RBFOX3: variants seen among roughly 807,000 people sequenced by gnomAD.
RBFOX3 encodes the protein RNA binding protein fox-1 homolog 3.
RBFOX3 carries 17 observed loss-of-function variants against 48.7 expected under a neutral mutation model. The ratio of observed to expected loss-of-function variants is 0.35; its 90% CI spans 0.24 to 0.52. The LOEUF is 0.52. Among genes scored for constraint, RBFOX3 ranks in the 20% least tolerant of loss-of-function variants. RBFOX3 has a pLI of 0.94. For synonymous variants in RBFOX3, 212 were observed against 209.5 expected, an observed-to-expected ratio of 1.01 and a Z score of -0.10; for missense variants, 382 against 497.5, an observed-to-expected ratio of 0.77 and a Z score of 2.21.
chr17:79,130,081 A>C (rs373425135), intron 4 of RBFOX3, among the ~76,000 whole-genome samples: 3 of 152,144 alleles, frequency 2.0e-5, no homozygotes, highest in African/African-American at 7.2e-5. Context: ...GCAGGAATGC[A>C]CCTGAGTGAC....
rs555538534 is a variant in RBFOX3, at chr17:79,363,980, C to T, written c.-174-56156G>A. ...CACAGCCTGTGCTCCACCACGCCCT[C>T]CTTTTCCACCAGGCTTTATGGGGCT... On this transcript the variant is annotated intron_variant, in intron 2 of 14. Coordinates refer to ENST00000693108, the MANE Select transcript of RBFOX3 (RefSeq NM_001350451.2). This position sits in a 1 kb window ranked among gnomAD's most constrained non-coding sequence, Gnocchi z 4.7. Among the ~76,000 whole-genome samples, 21 of 152,358 alleles carry T rather than the reference C, an allele frequency of 1.4e-4. No homozygotes were observed. Among genetic ancestry groups the T allele is most frequent in the Admixed American group, 1.2e-3 (18 of 15,310 alleles).
intron 9 of RBFOX3, chr17:79,098,044 G>T (rs2075725039): frequency 1.2e-5 from 5 of 412,694 alleles, no homozygotes; most frequent in Admixed American, 3.5e-5. Context: ...GAAGCCTGGG[G>T]TACCCACCTC....
At chr17:79,550,675 G>A (rs1412624480) in intron 1 of RBFOX3, among the ~76,000 whole-genome samples, 5 of 152,080 alleles carry the variant, frequency 3.3e-5, no homozygotes, top group African/African-American at 1.2e-4. Flanking sequence ...AAAGACGGAT[G>A]GATAGGTAGG....
intron 3 of RBFOX3, among the ~76,000 whole-genome samples, chr17:79,259,192 TACTG>T (rs1351578013): frequency 2.0e-5 from 3 of 152,260 alleles, no homozygotes. Flanking sequence ...CTCCCTGAAA[TACTG>T]ACCCAATACG....
rs1236107953 is a variant in RBFOX3 at position 79,129,388 on chromosome 17, TG to T, written c.-33-13641del. ...ACCACCTGCTGCTACCTGACAGGTA[TG>T]GACTGCTTTCCAATCCGGAGTAAGA... is the stretch of plus-strand genomic sequence containing the variant. On this transcript the variant is annotated intron_variant, in intron 4 of 14. Transcript: ENST00000693108. 2.1e-5 allele frequency among the ~76,000 whole-genome samples: 3 copies of T among 145,262 alleles called. 1 individual carries two copies. Among genetic ancestry groups the T allele is most frequent in the African/African-American group, 5.0e-5 (2 of 40,112 alleles).
chr17:79,334,625 ACTGGAGCCCAT>A (rs1351768402), intron 2 of RBFOX3, among the ~76,000 whole-genome samples: 7 of 152,222 alleles, frequency 4.6e-5, no homozygotes, highest in African/African-American at 1.7e-4. Context: ...TCATGGGCCA[ACTGGAGCCCAT>A]CTGTGAGGCC....
the RBFOX3 span, among the ~76,000 whole-genome samples, chr17:79,630,280 G>A: frequency 7.9e-5 from 12 of 152,196 alleles, no homozygotes; most frequent in Non-Finnish European, 1.2e-4. Context: ...AAACACGGTC[G>A]GCCAAGCATG....
At chr17:79,202,192 C>T (rs936283860) in intron 4 of RBFOX3, among the ~76,000 whole-genome samples, 1 of 152,080 alleles carries the variant, frequency 6.6e-6, no homozygotes, top group East Asian at 1.9e-4. Flanking sequence ...GGTGTGATCC[C>T]TGCATCTGAG....
At chr17:79,619,710 T>G in the RBFOX3 span, among the ~76,000 whole-genome samples, 1 of 152,030 alleles carries the variant, frequency 6.6e-6, no homozygotes, top group Non-Finnish European at 1.5e-5. Flanking sequence ...CCGGGGCAGG[T>G]GGACTCCAGC....
At position 79,111,901 on chromosome 17, in the gene RBFOX3, C is replaced by T. The variant is rs750570466; in HGVS notation, c.222+3593G>A. 4.6e-5 allele frequency among the ~76,000 whole-genome samples: 7 copies of T among 152,346 alleles called. No homozygotes were observed. The highest frequency in any genetic ancestry group is 1.3e-4 in the Admixed American group (2 of 15,310). On this transcript the variant is annotated intron_variant, in intron 5 of 14. Transcript: ENST00000693108. The surrounding 1 kb of genome is among the most constrained non-coding windows in gnomAD (Gnocchi z 4.2). ...GTGAGATGGGGTCCCCCGGTCCTTC[C>T]GCAGCCCCTCATCGCACTCTGTACC...
At chr17:79,092,619 T>TA in intron 14 of RBFOX3, 1 of 987,120 alleles carries the variant, frequency 1.0e-6, no homozygotes, top group Non-Finnish European at 1.2e-6. Flanking sequence ...GAAGCGGCTG[T>TA]ACCCTCCTCG....
At chr17:79,250,301 G>A (rs142590765) in intron 3 of RBFOX3, among the ~76,000 whole-genome samples, 3 of 152,278 alleles carry the variant, frequency 2.0e-5, no homozygotes, top group East Asian at 1.9e-4. Flanking sequence ...TGCCTGTATC[G>A]ACAGTTGGGT....
chr17:79,103,345 G>T lies in RBFOX3; in HGVS notation c.415-91C>A. ...GACGAGGAAGAAGAGGAGTGGGAGG[G>T]GGGCAGGGGAGTGGGGAGAGAGAGA... On this transcript the variant is annotated intron_variant, in intron 7 of 14. Transcript: ENST00000693108. The surrounding 1 kb of genome is among the most constrained non-coding windows in gnomAD (Gnocchi z 6.1). 2 of 848,718 alleles carry T rather than the reference G, an allele frequency of 2.4e-6. No homozygotes were observed. The highest frequency in any genetic ancestry group is 3.9e-6 in the Non-Finnish European group (2 of 513,860). The allele number at this position is 848,718 out of a possible 1,614,324, so 52.6% of individuals were successfully genotyped here.
At chr17:79,384,343 G>A (rs74000016) in intron 2 of RBFOX3, among the ~76,000 whole-genome samples, 312 of 152,266 alleles carry the variant, frequency 2.0e-3, no homozygotes, top group African/African-American at 7.3e-3. Context: ...TCCACCCACA[G>A]GACATCTGGC....
At chr17:79,575,610 C>T (rs895153028) in intron 1 of RBFOX3, among the ~76,000 whole-genome samples, 1 of 152,184 alleles carries the variant, frequency 6.6e-6, no homozygotes, top group Non-Finnish European at 1.5e-5. Context: ...GGAAGACAGT[C>T]GTTTAAGTCC....
intron 4 of RBFOX3, among the ~76,000 whole-genome samples, chr17:79,163,140 T>TC (rs890469847): frequency 1.3e-5 from 2 of 152,046 alleles, no homozygotes; most frequent in Non-Finnish European, 2.9e-5. Context: ...TGGCCACTGC[T>TC]CCCCCATCTC....
intron 4 of RBFOX3, among the ~76,000 whole-genome samples, chr17:79,218,379 G>A (rs948533216): frequency 6.6e-6 from 1 of 152,098 alleles, no homozygotes; most frequent in Non-Finnish European, 1.5e-5. Flanking sequence ...AAGTGGAGCC[G>A]GGGATCTGGC....
intron 4 of RBFOX3, among the ~76,000 whole-genome samples, chr17:79,140,771 T>C (rs2041759022): frequency 6.6e-6 from 1 of 152,232 alleles, no homozygotes; most frequent in Admixed American, 6.5e-5. Flanking sequence ...GAGACAGGTT[T>C]AACTGTGCTG....
intron 1 of RBFOX3, among the ~76,000 whole-genome samples, chr17:79,543,881 G>C (rs1329502318): frequency 6.6e-6 from 1 of 152,058 alleles, no homozygotes; most frequent in African/African-American, 2.4e-5. Flanking sequence ...GGGCCGAATG[G>C]GGCAAGGGTG....
Sources: gnomAD v4.1 joint callset for allele counts (sites outside exome capture counted in the v4.1 genomes callset) on GRCh38, gnomAD v4.1.1 for gene constraint, Gnocchi (gnomAD v3.1) non-coding constraint, MANE v1.5 for transcripts, NCBI Gene and HGNC (gene_info 2026-07-23, HGNC 2026-07-21) for gene names.